Variants in VAV3 observed in about 807,000 individuals in gnomAD.
VAV3 encodes the protein vav guanine nucleotide exchange factor 3.
VAV3 carries 94 observed loss-of-function variants against 131.2 expected under a neutral mutation model. That is an observed-to-expected ratio of 0.72 (90% confidence interval 0.61 to 0.85). VAV3 has a LOEUF of 0.85. VAV3 is among the 40% of genes least tolerant of loss of function. The pLI is 0.00. For synonymous variants in VAV3, 349 were observed against 342.0 expected, an observed-to-expected ratio of 1.02 and a Z score of -0.22; for missense variants, 939 against 1,002.7, an observed-to-expected ratio of 0.94 and a Z score of 0.86.
At chr1:107,771,229 G>C (rs4915072) in intron 5 of VAV3, among the ~76,000 whole-genome samples, 30,076 of 150,586 alleles carry the variant, frequency 0.2, 3,117 homozygotes, top group East Asian at 0.35. Context: ...ATGGAATTGG[G>C]TTCAACACCA....
chr1:107,703,643 G>A (rs11185168), intron 17 of VAV3, among the ~76,000 whole-genome samples: 53,702 of 152,090 alleles, frequency 0.35, 9,745 homozygotes, highest in Middle Eastern at 0.44. Flanking sequence ...ACTCAGCTCC[G>A]AAATGAGCTA....
At chr1:107,753,855 C>T (rs960341546) in intron 12 of VAV3, among the ~76,000 whole-genome samples, 3 of 151,868 alleles carry the variant, frequency 2.0e-5, no homozygotes, top group African/African-American at 4.8e-5. Context: ...CCACCACACC[C>T]GGCCAATGCT....
chr1:107,577,121 A>G (rs1171664292), intron 25 of VAV3, among the ~76,000 whole-genome samples: 2 of 152,246 alleles, frequency 1.3e-5, no homozygotes, highest in East Asian at 3.9e-4. Flanking sequence ...AGAGCTAATC[A>G]CATTTATCAA....
At chr1:107,608,617 A>G (rs559335915) in intron 22 of VAV3, among the ~76,000 whole-genome samples, 28 of 152,326 alleles carry the variant, frequency 1.8e-4, no homozygotes, top group African/African-American at 6.3e-4. Context: ...GAGGGATATC[A>G]GGAAGGGTAG....
At chr1:107,643,879 T>C (rs898941950) in intron 19 of VAV3, among the ~76,000 whole-genome samples, 2 of 152,144 alleles carry the variant, frequency 1.3e-5, no homozygotes, top group African/African-American at 4.8e-5. Context: ...CACTTGTTTA[T>C]CAATCCAATC....
intron 2 of VAV3, among the ~76,000 whole-genome samples, chr1:107,829,275 T>A (rs553656161): frequency 6.6e-6 from 1 of 152,204 alleles, no homozygotes; most frequent in South Asian, 2.1e-4. Context: ...ACTCACTGTA[T>A]GATATTGTTA....
intron 1 of VAV3, among the ~76,000 whole-genome samples, chr1:107,941,161 G>A (rs774189443): frequency 6.6e-6 from 1 of 152,116 alleles, no homozygotes; most frequent in African/African-American, 2.4e-5. Context: ...TGCAGTGGTG[G>A]CAACCGTAGT....
Position 107,770,725 on chromosome 1 carries a change from A to G in VAV3, c.559T>C (p.Cys187Arg). The G allele has an allele frequency of 6.2e-7, 1 of 1,606,522 alleles. No homozygotes were observed. Among genetic ancestry groups the G allele is most frequent in the Non-Finnish European group, 8.5e-7 (1 of 1,176,520 alleles). ...MKAEEAHQPK[C>R]PENDIRSCCL... is the part of the protein sequence containing the mutation. ...CAACTTCGTATATCATTTTCTGGAC[A>G]TTTCTGCAGTTAGAATTATCAAAAT... Residue 187 changes from cysteine to arginine, a missense_variant, in exon 6 of 27, where the codon TGT becomes CGT. Cys to Arg is a radical substitution (Grantham distance 180). Transcript: ENST00000370056.
intron 2 of VAV3, among the ~76,000 whole-genome samples, chr1:107,831,962 C>G (rs567302144): frequency 6.6e-6 from 1 of 152,202 alleles, no homozygotes; most frequent in Non-Finnish European, 1.5e-5. Context: ...TAAACCACAG[C>G]CTTGCCTACA....
At chr1:107,622,006 G>A (rs1472053773) in intron 20 of VAV3, among the ~76,000 whole-genome samples, 1 of 152,044 alleles carries the variant, frequency 6.6e-6, no homozygotes, top group Non-Finnish European at 1.5e-5. Flanking sequence ...AGAAAAAAAT[G>A]CACCTGTATA....
At position 107,760,785 on chromosome 1, in the gene VAV3, T is replaced by C. The variant is rs1292946764; in HGVS notation, c.1016A>G (p.Gln339Arg). The C allele has an allele frequency of 1.2e-6, 2 of 1,609,266 alleles. No individual in the cohort carries two copies. The highest frequency in any genetic ancestry group is 2.2e-5 in the South Asian group (2 of 90,818). ...QRVLKYHLLL[Q>R]ELVKHTTDPT... ...AATAAACTGTTTTAAGTTACATACC[T>C]GGAGGAGAAGGTGGTACTTTAAAAC... Residue 339 changes from glutamine (Q) to arginine (R), a missense_variant and splice_region_variant, in exon 10 of 27, where the codon CAG becomes CGG. Physicochemically the swap from Gln to Arg is conservative, Grantham distance 43. Transcript: ENST00000370056.
chr1:107,914,175 T>C (rs77250605), intron 1 of VAV3, among the ~76,000 whole-genome samples: 2,216 of 152,308 alleles, frequency 0.015, 23 homozygotes, highest in Non-Finnish European at 0.024. Flanking sequence ...CAGATGAATG[T>C]AAATGGCTAA....
intron 11 of VAV3, among the ~76,000 whole-genome samples, chr1:107,756,811 T>C (rs1376146939): frequency 6.6e-6 from 1 of 152,032 alleles, no homozygotes; most frequent in Admixed American, 6.6e-5. Context: ...TATCCTCATA[T>C]GAGGAAAATA....
chr1:107,848,131 G>C lies in VAV3; in HGVS notation c.321+26770C>G, dbSNP rs562475993. Among the ~76,000 whole-genome samples the C allele has an allele frequency of 5.2e-4, 79 of 152,150 alleles. 1 individual carries two copies. Among genetic ancestry groups the C allele is most frequent in the Admixed American group, 1.2e-3 (19 of 15,288 alleles). On this transcript the variant is annotated intron_variant, in intron 2 of 26. Transcript: ENST00000370056. ...GATCAAGACCATCCTGGCTAACACG[G>C]TGAAACCCTGTCTCTACTAAAAACA...
intron 20 of VAV3, among the ~76,000 whole-genome samples, chr1:107,625,165 C>T (rs1653919861): frequency 6.6e-6 from 1 of 152,062 alleles, no homozygotes; most frequent in East Asian, 1.9e-4. Context: ...TTTGCAATGC[C>T]CCCACAGTAC....
chr1:107,917,466 C>T (rs1480679792), intron 1 of VAV3, among the ~76,000 whole-genome samples: 1 of 152,140 alleles, frequency 6.6e-6, no homozygotes, highest in Non-Finnish European at 1.5e-5. Flanking sequence ...TCTGACTCAG[C>T]TTACAGATCT....
chr1:107,665,855 C>T (rs969829653), intron 19 of VAV3, among the ~76,000 whole-genome samples: 28 of 152,260 alleles, frequency 1.8e-4, no homozygotes, highest in African/African-American at 6.5e-4. Context: ...CATGGCAGCT[C>T]TTGCCATCTC....
intron 1 of VAV3, among the ~76,000 whole-genome samples, chr1:107,941,586 A>G (rs1673999158): frequency 6.6e-6 from 1 of 152,206 alleles, no homozygotes; most frequent in Non-Finnish European, 1.5e-5. Flanking sequence ...TTTAATGACC[A>G]GGTCCTCAGT....
intron 1 of VAV3, among the ~76,000 whole-genome samples, chr1:107,884,198 T>C (rs886085808): frequency 1.1e-4 from 16 of 151,146 alleles, no homozygotes; most frequent in African/African-American, 3.2e-4. Flanking sequence ...AGGCAGACTA[T>C]AGTCAATAAT....
Sources: allele counts gnomAD v4.1 joint callset (sites outside exome capture counted in the v4.1 genomes callset), GRCh38; gene constraint gnomAD v4.1.1; transcripts MANE v1.5; gene names NCBI Gene and HGNC (gene_info 2026-07-23, HGNC 2026-07-21).